The following UBE4B variants were observed in gnomAD, a reference collection of about 807,000 sequenced individuals.
UBE4B encodes ubiquitination factor E4B.
Under a neutral mutation model 148.1 loss-of-function variants are expected in UBE4B, and 27 were observed. That is an observed-to-expected ratio of 0.18 (90% confidence interval 0.13 to 0.25). UBE4B has a LOEUF of 0.25. Among genes scored for constraint, UBE4B ranks in the 10% least tolerant of loss-of-function variants. The pLI is 1.00. For synonymous variants in UBE4B, 596 were observed against 619.3 expected (o/e 0.96, Z 0.56); for missense variants, 1,170 against 1,662.4 (o/e 0.70, Z 5.15).
At chr1:10,130,465 C>T (rs375822197) in intron 12 of UBE4B, 35 bp from the exon 13 acceptor site, 2 of 1,572,156 alleles carry the variant, frequency 1.3e-6, no homozygotes, top group African/African-American at 2.7e-5. Context: ...CCGGCCTGTT[C>T]AGCGGCTTGA....
At chr1:10,067,816 C>T (rs1026691732) in intron 1 of UBE4B, among the ~76,000 whole-genome samples, 5 of 152,060 alleles carry the variant, frequency 3.3e-5, no homozygotes, top group African/African-American at 1.2e-4. Context: ...CAAGCTCCGC[C>T]TCCTGGGTTC....
intron 1 of UBE4B, among the ~76,000 whole-genome samples, chr1:10,069,694 C>G (rs551271569): frequency 1.3e-5 from 2 of 152,170 alleles, no homozygotes; most frequent in African/African-American, 4.8e-5. Flanking sequence ...GGCACCATGC[C>G]TGGCTGATCT....
At chr1:10,166,941 T>TGA (rs1646256656) in intron 23 of UBE4B, among the ~76,000 whole-genome samples, 1 of 131,302 alleles carries the variant, frequency 7.6e-6, no homozygotes, top group South Asian at 2.5e-4. Context: ...AATAAATAAA[T>TGA]CACACACACA....
intron 2 of UBE4B, among the ~76,000 whole-genome samples, chr1:10,091,714 T>G (rs953107971): frequency 6.6e-6 from 1 of 152,176 alleles, no homozygotes; most frequent in African/African-American, 2.4e-5. Flanking sequence ...CAAACGATTC[T>G]TCTGACTCAG....
chr1:10,098,837 C>T (rs1169210777), intron 3 of UBE4B, among the ~76,000 whole-genome samples: 1 of 152,182 alleles, frequency 6.6e-6, no homozygotes, highest in Non-Finnish European at 1.5e-5. Flanking sequence ...TCTGTAAAAT[C>T]AGCAATAAGA....
chr1:10,125,171 T>A (rs1645473202), intron 10 of UBE4B, among the ~76,000 whole-genome samples: 1 of 152,234 alleles, frequency 6.6e-6, no homozygotes, highest in Non-Finnish European at 1.5e-5. Context: ...AGTAATATTT[T>A]ACCTGTGCAA....
At chr1:10,102,013 A>G (rs1435533647) in intron 4 of UBE4B, among the ~76,000 whole-genome samples, 2 of 151,294 alleles carry the variant, frequency 1.3e-5, no homozygotes, top group African/African-American at 2.5e-5. Flanking sequence ...ATTAATATAG[A>G]TAATTACATC....
intron 22 of UBE4B, among the ~76,000 whole-genome samples, chr1:10,159,444 G>A (rs1178756396): frequency 2.0e-4 from 30 of 152,202 alleles, no homozygotes; most frequent in Admixed American, 2.0e-3. Context: ...AGGCCGAGCA[G>A]GGCGGATCAG....
chr1:10,137,383 G>A (rs1485713320), intron 17 of UBE4B, among the ~76,000 whole-genome samples, 178 bp downstream of exon 17: 1 of 152,144 alleles, frequency 6.6e-6, no homozygotes, highest in Non-Finnish European at 1.5e-5. Context: ...TCTTTACCTG[G>A]TGAAGTGATC....
intron 1 of UBE4B, among the ~76,000 whole-genome samples, chr1:10,064,078 C>T (rs1644339034): frequency 1.3e-5 from 2 of 152,148 alleles, no homozygotes; most frequent in South Asian, 4.1e-4. Flanking sequence ...TCACCATGTC[C>T]ATACACACTC....
chr1:10,104,723 A>C (rs950359604), intron 5 of UBE4B, among the ~76,000 whole-genome samples: 3 of 152,228 alleles, frequency 2.0e-5, no homozygotes, highest in East Asian at 1.9e-4. Context: ...TAAGTGGCAA[A>C]TCTGTCTTAC....
At chr1:10,141,638 A>G (rs757945257) in intron 17 of UBE4B, among the ~76,000 whole-genome samples, 1 of 152,118 alleles carries the variant, frequency 6.6e-6, no homozygotes, top group Non-Finnish European at 1.5e-5. Context: ...TGTTGCATCC[A>G]ATTTTGTAAT....
At chr1:10,167,532 T>C (rs1352383885) in intron 23 of UBE4B, among the ~76,000 whole-genome samples, 1 of 151,036 alleles carries the variant, frequency 6.6e-6, no homozygotes, top group Non-Finnish European at 1.5e-5. Flanking sequence ...TGCCATGATG[T>C]GTGTCAGATA....
rs553781475 is a variant in UBE4B, at chr1:10,082,005, G to A, written c.211+9791G>A. Among the ~76,000 whole-genome samples, 8 of 152,270 alleles carry A rather than the reference G, an allele frequency of 5.3e-5. No homozygotes were observed. In the South Asian group the frequency reaches 1.5e-3, roughly 28 times the overall value. On this transcript the variant is annotated intron_variant, in intron 2 of 27. Transcript: ENST00000343090. ...GTTGGGACTACAGGCGTGAGCCACT[G>A]TTCCTGGCCTATTCTTATCCCTCCA...
intron 2 of UBE4B, 99 bp downstream of exon 2, chr1:10,072,313 A>G: frequency 7.3e-7 from 1 of 1,370,398 alleles, no homozygotes; most frequent in Non-Finnish European, 1.0e-6. Context: ...AAAATGAAGC[A>G]GACATCAGCT....
chr1:10,072,125 C>G lies in UBE4B; in HGVS notation c.122C>G (p.Pro41Arg). 3 of 1,613,744 alleles carry G rather than the reference C, an allele frequency of 1.9e-6. No individual in the cohort carries two copies. Among genetic ancestry groups the G allele is most frequent in the Non-Finnish European group, 2.5e-6 (3 of 1,179,880 alleles). The change falls in exon 2 of 28, where the codon CCC (proline) becomes CGC (arginine). Residue 41 changes from proline to arginine, a missense_variant. Around this residue, in one of 6 missense-constraint regions of UBE4B, gnomAD observed 127 missense variants for 153.2 expected, o/e 0.83. Coordinates refer to ENST00000343090, the MANE Select transcript of UBE4B (RefSeq NM_001105562.3). ...CAGAGGGAGAACCCTCCGGGGCCTCCCATAGCGGCATCAGCCCCAGGACCC... is the reference window on the plus strand; with the variant it reads ...CAGAGGGAGAACCCTCCGGGGCCTCGCATAGCGGCATCAGCCCCAGGACCC... The part of the protein sequence containing the change: ...SPQRENPPGP[P>R]IAASAPGPSQ...
chr1:10,127,147 G>C (rs1193104337), intron 11 of UBE4B, among the ~76,000 whole-genome samples: 2 of 151,260 alleles, frequency 1.3e-5, no homozygotes, highest in Non-Finnish European at 2.9e-5. Context: ...TTATGAAAAA[G>C]ATAACTTATC....
chr1:10,177,080 C>T lies in UBE4B; in HGVS notation c.3526-1564C>T, dbSNP rs553498974. The stretch of plus-strand genomic sequence containing the variant: ...GGGATTACAGGCGTGAGCCACCGCG[C>T]CCAACCAGAAGAGTTCTTTATGTAT... On this transcript the variant is annotated intron_variant, in intron 25 of 27. Coordinates refer to ENST00000343090, the MANE Select transcript of UBE4B (RefSeq NM_001105562.3). Among the ~76,000 whole-genome samples, 41 of 151,764 alleles carry T rather than the reference C, an allele frequency of 2.7e-4. No individual in the cohort carries two copies. In the South Asian group the frequency reaches 8.3e-3, roughly 31 times the overall value.
At chr1:10,099,207 A>C (rs543103465) in intron 3 of UBE4B, among the ~76,000 whole-genome samples, 1 of 152,306 alleles carries the variant, frequency 6.6e-6, no homozygotes, top group South Asian at 2.1e-4. Flanking sequence ...GCACCACTGC[A>C]CTACAGCCTG....
Sources: allele counts gnomAD v4.1 joint callset (sites outside exome capture counted in the v4.1 genomes callset), GRCh38; gene constraint gnomAD v4.1.1; regional missense constraint gnomAD v4.1.1; transcripts MANE v1.5; gene names NCBI Gene and HGNC (gene_info 2026-07-23, HGNC 2026-07-21).